PARP8: variants seen among roughly 807,000 people sequenced by gnomAD.
PARP8 encodes protein mono-ADP-ribosyltransferase PARP8.
Under a neutral mutation model 124.1 loss-of-function variants are expected in PARP8, and 51 were observed. The observed-to-expected ratio is 0.41, with a 90% CI of 0.33 to 0.52. The LOEUF (loss-of-function observed/expected upper bound fraction) is 0.52. PARP8 is among the 20% of genes least tolerant of loss of function. PARP8 has a pLI of 0.21. For missense variants in PARP8, 860 were observed against 1,018.9 expected (o/e 0.84, Z 2.12); for synonymous variants, 391 against 361.5 (o/e 1.08, Z -0.93).
chr5:50,757,237 A>G lies in PARP8; in HGVS notation c.185-2406A>G, dbSNP rs569272301. 208 of 452,886 alleles carry G rather than the reference A, an allele frequency of 4.6e-4. 1 individual carries two copies. Among genetic ancestry groups the G allele is most frequent in the African/African-American group, 3.9e-3 (197 of 50,006 alleles). 28.1% of individuals were successfully genotyped at this position (452,886 alleles called of 1,614,324 possible). A position where few individuals can be genotyped will look rare whatever the true frequency, so the allele number is the denominator to read the frequency against. On this transcript the variant is annotated intron_variant, in intron 3 of 25. Transcript: ENST00000281631. ...ATGGGTAAAGTAGAAGAAATAGATAAATTCCTAGAGACCTATCAAGACTGA... is the reference window on the plus strand; with the variant it reads ...ATGGGTAAAGTAGAAGAAATAGATAGATTCCTAGAGACCTATCAAGACTGA...
chr5:50,757,000 A>ATTTCATTCTTT (rs1760035275), intron 3 of PARP8: 2 of 327,400 alleles, frequency 6.1e-6, no homozygotes, highest in Admixed American at 7.2e-5. Context: ...AGATGGCAGG[A>ATTTCATTCTTT]TTTCATTCTT....
intron 2 of PARP8, among the ~76,000 whole-genome samples, chr5:50,716,203 T>A (rs1405713164): frequency 6.6e-6 from 1 of 152,084 alleles, no homozygotes; most frequent in East Asian, 1.9e-4. Flanking sequence ...ACAAAGGAAG[T>A]TAAATTACAA....
chr5:50,759,620 A>ATTTT (rs1174997364), intron 3 of PARP8, 23 bp from the exon 4 acceptor site: 9 of 1,111,290 alleles, frequency 8.1e-6, no homozygotes, highest in South Asian at 4.7e-5. Flanking sequence ...GCCTTTCATT[A>ATTTT]TCTTTTTTTT....
chr5:50,797,391 A>G (rs1373286765), intron 14 of PARP8, among the ~76,000 whole-genome samples, 158 bp downstream of exon 14: 2 of 152,252 alleles, frequency 1.3e-5, no homozygotes, highest in Non-Finnish European at 2.9e-5. Flanking sequence ...TATTACTTCT[A>G]AAGTAGCCTG....
rs573392959 is a variant in PARP8 at position 50,746,336 on chromosome 5, A to G, written c.147-3815A>G. ...CACAAGGGAAATTTTTGTGTGATCA[A>G]ATAGTTCTGTATTTTGTTTGCTATA... On this transcript the variant is annotated intron_variant, in intron 2 of 25. Transcript: ENST00000281631. Among the ~76,000 whole-genome samples, 31 of 152,308 alleles carry G rather than the reference A, an allele frequency of 2.0e-4. 1 individual carries two copies. The South Asian group carries it at 6.4e-3, about 32-fold the overall frequency.
intron 17 of PARP8, among the ~76,000 whole-genome samples, chr5:50,823,099 G>A (rs1231374810): frequency 6.6e-6 from 1 of 152,236 alleles, no homozygotes; most frequent in African/African-American, 2.4e-5. Context: ...CAGCTTGCAT[G>A]TAGTGGTTTC....
chr5:50,822,020 T>C (rs1310747615), intron 16 of PARP8, among the ~76,000 whole-genome samples: 2 of 152,238 alleles, frequency 1.3e-5, no homozygotes, highest in Non-Finnish European at 2.9e-5. Flanking sequence ...TATGTTGACT[T>C]TATTCATTAT....
rs1746589387 is a variant in PARP8, at chr5:50,828,482, C to A, written c.2163+98C>A. ...TAGGTTTAACTTGCAAAAGAGGAAG[C>A]ATGTGAGTAAGACATTATATGGAAT... On this transcript the variant is annotated intron_variant, in intron 21 of 25. Transcript: ENST00000281631. 5 of 1,046,402 alleles carry A rather than the reference C, an allele frequency of 4.8e-6. No individual in the cohort carries two copies. In the African/African-American group the frequency reaches 7.9e-5, roughly 17 times the overall value. 64.8% of individuals were successfully genotyped at this position (1,046,402 alleles called of 1,614,324 possible). A position where few individuals can be genotyped will look rare whatever the true frequency, so the allele number is the denominator to read the frequency against.
intron 2 of PARP8, among the ~76,000 whole-genome samples, chr5:50,746,611 A>G (rs889984492): frequency 1.3e-5 from 2 of 152,198 alleles, no homozygotes; most frequent in Admixed American, 6.5e-5. Context: ...ATATTTATGT[A>G]TCATATTCTC....
intron 10 of PARP8, among the ~76,000 whole-genome samples, chr5:50,790,144 AT>A (rs1268899404): frequency 6.6e-6 from 1 of 152,222 alleles, no homozygotes; most frequent in Non-Finnish European, 1.5e-5. Flanking sequence ...GTTCAAAGAT[AT>A]GCAAATATAA....
At chr5:50,833,059 A>G (rs1224307515) in intron 23 of PARP8, among the ~76,000 whole-genome samples, 2 of 152,210 alleles carry the variant, frequency 1.3e-5, no homozygotes, top group Non-Finnish European at 2.9e-5. Flanking sequence ...ATCTCCCACT[A>G]TAATACCAGA....
intron 7 of PARP8, 161 bp downstream of exon 7, chr5:50,763,403 G>A: frequency 1.8e-6 from 1 of 570,004 alleles, no homozygotes; most frequent in Non-Finnish European, 3.1e-6. Flanking sequence ...CATATTTATG[G>A]CTATTTTTTT....
intron 3 of PARP8, among the ~76,000 whole-genome samples, chr5:50,751,795 G>A (rs1483947202): frequency 4.6e-5 from 7 of 152,028 alleles, no homozygotes; most frequent in Non-Finnish European, 8.8e-5. Context: ...TTGCCTCTGG[G>A]GAAGTAGTGT....
chr5:50,671,422 G>A (rs964484989), intron 2 of PARP8, among the ~76,000 whole-genome samples: 6 of 151,928 alleles, frequency 3.9e-5, no homozygotes, highest in African/African-American at 1.5e-4. Context: ...CTGGAATTCC[G>A]AGTGTGAACT....
chr5:50,695,069 TC>T (rs1160839870), intron 2 of PARP8, among the ~76,000 whole-genome samples: 1 of 152,090 alleles, frequency 6.6e-6, no homozygotes, highest in Non-Finnish European at 1.5e-5. Context: ...CCTCTCCCAG[TC>T]CACTGACTCA....
intron 14 of PARP8, among the ~76,000 whole-genome samples, chr5:50,811,161 G>A (rs1744392620): frequency 6.6e-6 from 1 of 152,008 alleles, no homozygotes; most frequent in African/African-American, 2.4e-5. Context: ...GGAAAGAAAA[G>A]TGTTTCCATA....
At chr5:50,814,798 T>A (rs1744904477) in intron 14 of PARP8, among the ~76,000 whole-genome samples, 1 of 152,104 alleles carries the variant, frequency 6.6e-6, no homozygotes, top group South Asian at 2.1e-4. Context: ...GGAGATAAGA[T>A]AAATCAGAGG....
chr5:50,756,515 G>A (rs1580226998), intron 3 of PARP8, among the ~76,000 whole-genome samples: 2 of 152,088 alleles, frequency 1.3e-5, no homozygotes, highest in Non-Finnish European at 2.9e-5. Flanking sequence ...ATACAGATGG[G>A]ATGATCATCA....
chr5:50,750,051 A>G, intron 2 of PARP8, 100 bp from the exon 3 acceptor site: 1 of 909,822 alleles, frequency 1.1e-6, no homozygotes, highest in Non-Finnish European at 1.7e-6. Flanking sequence ...TTACATCTTT[A>G]TAACTGAATG....
Sources: allele counts gnomAD v4.1 joint callset (sites outside exome capture counted in the v4.1 genomes callset), GRCh38; gene constraint gnomAD v4.1.1; transcripts MANE v1.5; gene names NCBI Gene and HGNC (gene_info 2026-07-23, HGNC 2026-07-21).